Variants in SHISA5 observed in about 807,000 individuals in gnomAD.
The protein encoded by SHISA5 is shisa family member 5, also known as protein shisa-5.
A neutral mutation model predicts 27.5 loss-of-function variants in SHISA5; 21 were observed. The ratio of observed to expected loss-of-function variants is 0.76; its 90% CI spans 0.54 to 1.10. The LOEUF (loss-of-function observed/expected upper bound fraction) is 1.10, where lower values mean the gene tolerates loss of function less well. SHISA5 is among the 50% of genes least tolerant of loss of function. The pLI, the probability that SHISA5 is intolerant of heterozygous loss-of-function variation, is 0.00. For synonymous variants in SHISA5, 137 were observed against 142.2 expected, an observed-to-expected ratio of 0.96 and a Z score of 0.26; for missense variants, 314 against 336.3, an observed-to-expected ratio of 0.93 and a Z score of 0.52.
chr3:48,484,132 G>A (rs1038973764), intron 2 of SHISA5, among the ~76,000 whole-genome samples: 21 of 152,156 alleles, frequency 1.4e-4, no homozygotes, highest in African/African-American at 5.1e-4. Flanking sequence ...TATTGGTAAC[G>A]GGAAGTGGGT....
chr3:48,468,549 A>C lies in SHISA5; in HGVS notation c.*558T>G. The stretch of plus-strand genomic sequence containing the variant: ...CCAGGGAGCAATGGGACATCTGCCC[A>C]AAGGATCAAAGTCCAACTTGGCCAG... On this transcript the variant is annotated 3_prime_UTR_variant, in exon 6 of 6. Transcript: ENST00000296444. 1 of 1,188,944 alleles carries C rather than the reference A, an allele frequency of 8.4e-7. No individual in the cohort carries two copies. The highest frequency in any genetic ancestry group is 1.1e-6 in the Non-Finnish European group (1 of 942,640). The allele number at this position is 1,188,944 out of a possible 1,614,324, so 73.6% of individuals were successfully genotyped here.
chr3:48,493,464 T>C (rs940299896), intron 2 of SHISA5, among the ~76,000 whole-genome samples: 3 of 139,580 alleles, frequency 2.1e-5, no homozygotes, highest in Non-Finnish European at 4.5e-5. Flanking sequence ...GGAAAATAAA[T>C]GAATAAATTA....
chr3:48,494,895 G>A (rs2041506353), intron 2 of SHISA5, among the ~76,000 whole-genome samples: 1 of 147,286 alleles, frequency 6.8e-6, no homozygotes, highest in Non-Finnish European at 1.5e-5. Context: ...TTGTATACAT[G>A]AAATGTATAC....
Position 48,480,990 on chromosome 3 carries a change from G to C in SHISA5, c.234-1733C>G, listed in dbSNP as rs189150077. On this transcript the variant is annotated intron_variant, in intron 2 of 5. Coordinates refer to ENST00000296444, the MANE Select transcript of SHISA5 (RefSeq NM_016479.6). ...GGCACCTGTAATCCCAGCTACTCTG[G>C]AGTCTGAGGGAGGAGAATTGCTTCG... is the stretch of plus-strand genomic sequence containing the variant. Among the ~76,000 whole-genome samples the C allele has an allele frequency of 2.2e-3, 331 of 152,146 alleles. 1 individual carries two copies. Among genetic ancestry groups the C allele is most frequent in the Admixed American group, 4.4e-3 (67 of 15,268 alleles).
At chr3:48,472,516 A>C (rs970517678) in intron 3 of SHISA5, among the ~76,000 whole-genome samples, 13 of 152,174 alleles carry the variant, frequency 8.5e-5, no homozygotes, top group Non-Finnish European at 1.6e-4. Flanking sequence ...AAAAATAATA[A>C]GTTTTTTTTA....
At chr3:48,477,104 G>GAAAAAAAA in intron 3 of SHISA5, 1 of 327,436 alleles carries the variant, frequency 3.1e-6, no homozygotes, top group South Asian at 2.1e-5. Context: ...ATAACATTGA[G>GAAAAAAAA]AAAAAAAAAA....
At position 48,469,651 on chromosome 3, in the gene SHISA5, G is replaced by T; in HGVS notation, c.430+77C>A. ...GCCAGGCTTGCCACCCATCCCTCCA[G>T]CTTAGCCAAAGCAGGGCCTGGTCAG... On this transcript the variant is annotated intron_variant, in intron 4 of 5. Transcript: ENST00000296444. This position sits in a 1 kb window ranked among gnomAD's most constrained non-coding sequence, Gnocchi z 4.6. 1 of 1,599,348 alleles carries T rather than the reference G, an allele frequency of 6.3e-7. No homozygotes were observed. The highest frequency in any genetic ancestry group is 8.5e-7 in the Non-Finnish European group (1 of 1,172,470).
At chr3:48,498,303 A>G (rs1473529626) in intron 2 of SHISA5, among the ~76,000 whole-genome samples, 1 of 152,226 alleles carries the variant, frequency 6.6e-6, no homozygotes, top group African/African-American at 2.4e-5. Flanking sequence ...GAAACAAGAC[A>G]CAGATGTCTG....
chr3:48,498,689 G>GAA (rs11294310), intron 2 of SHISA5, among the ~76,000 whole-genome samples: 10 of 80,642 alleles, frequency 1.2e-4, no homozygotes, highest in East Asian at 3.8e-4. Flanking sequence ...TCTCCAGAAA[G>GAA]AAAAAAAAAA....
chr3:48,470,006 T>C lies in SHISA5; in HGVS notation c.315-163A>G. 1.1e-6 allele frequency: 1 copy of C among 904,300 alleles called. No homozygotes were observed. Among genetic ancestry groups the C allele is most frequent in the Non-Finnish European group, 1.7e-6 (1 of 600,114 alleles). 56.0% of individuals were successfully genotyped at this position (904,300 alleles called of 1,614,324 possible). On this transcript the variant is annotated intron_variant, in intron 3 of 5. Transcript: ENST00000296444. This position sits in a 1 kb window ranked among gnomAD's most constrained non-coding sequence, Gnocchi z 4.3. ...ACCTGTTTCAATCTGTTTCCTCTTG[T>C]GTAAACTGGGGTATATGTGAGTCCC...
chr3:48,485,355 C>A (rs916097066), intron 2 of SHISA5, among the ~76,000 whole-genome samples: 4 of 150,766 alleles, frequency 2.7e-5, no homozygotes, highest in African/African-American at 9.8e-5. Flanking sequence ...ATTAGCCAAG[C>A]GTGGTGGTGC....
At chr3:48,480,807 G>T (rs1478957504) in intron 2 of SHISA5, among the ~76,000 whole-genome samples, 3 of 152,022 alleles carry the variant, frequency 2.0e-5, no homozygotes, top group Non-Finnish European at 4.4e-5. Context: ...AAAAATAAAT[G>T]ATATGGGCCA....
chr3:48,473,315 G>C lies in SHISA5; in HGVS notation c.315-3472C>G. On this transcript the variant is annotated intron_variant, in intron 3 of 5. Transcript: ENST00000296444. The surrounding 1 kb of genome is among the most constrained non-coding windows in gnomAD (Gnocchi z 4.3). ...GCTGCCTCCCTGAGCCAAGCCTACAGGGCCTGACCTCAGAATGCAGCCTGG... is the reference window on the plus strand; with the variant it reads ...GCTGCCTCCCTGAGCCAAGCCTACACGGCCTGACCTCAGAATGCAGCCTGG... The C allele has an allele frequency of 7.2e-7, 1 of 1,395,428 alleles. No individual in the cohort carries two copies. The highest frequency in any genetic ancestry group is 9.4e-7 in the Non-Finnish European group (1 of 1,062,794). 86.4% of individuals were successfully genotyped at this position (1,395,428 alleles called of 1,614,324 possible). A position where few individuals can be genotyped will look rare whatever the true frequency, so the allele number is the denominator to read the frequency against.
chr3:48,472,418 C>A (rs1227808085), intron 3 of SHISA5, among the ~76,000 whole-genome samples: 1 of 151,582 alleles, frequency 6.6e-6, no homozygotes, highest in Non-Finnish European at 1.5e-5. Context: ...ATCACGTGAA[C>A]CCATGAGGCG....
chr3:48,473,682 C>T lies in SHISA5; in HGVS notation c.315-3839G>A, dbSNP rs999267229. 1.1e-5 allele frequency: 11 copies of T among 1,025,796 alleles called. No individual in the cohort carries two copies. In the East Asian group the frequency reaches 4.3e-4, roughly 40 times the overall value. The allele number at this position is 1,025,796 out of a possible 1,614,324, so 63.5% of individuals were successfully genotyped here. A position where few individuals can be genotyped will look rare whatever the true frequency, so the allele number is the denominator to read the frequency against. ...CCAGCTATGGCTCCTGTAGCTCTTG[C>T]GATTACAAAGGAATTTGCTTTATAA... On this transcript the variant is annotated intron_variant, in intron 3 of 5. Transcript: ENST00000296444. The surrounding 1 kb of genome is among the most constrained non-coding windows in gnomAD (Gnocchi z 4.3).
chr3:48,490,970 A>C (rs2041403082), intron 2 of SHISA5, among the ~76,000 whole-genome samples: 1 of 152,186 alleles, frequency 6.6e-6, no homozygotes, highest in Non-Finnish European at 1.5e-5. Flanking sequence ...TAATCTGAAC[A>C]TTCCTTTTCT....
chr3:48,492,617 C>G (rs2041468280), intron 2 of SHISA5, among the ~76,000 whole-genome samples: 1 of 147,974 alleles, frequency 6.8e-6, no homozygotes, highest in Non-Finnish European at 1.5e-5. Flanking sequence ...CAGGTCTGTA[C>G]AAGCCTTCGC....
At chr3:48,485,541 TTA>T (rs1410847809) in intron 2 of SHISA5, among the ~76,000 whole-genome samples, 3 of 138,400 alleles carry the variant, frequency 2.2e-5, no homozygotes, top group East Asian at 2.0e-4. Context: ...AATATATATA[TTA>T]TATATATAAT....
Position 48,472,873 on chromosome 3 carries a change from C to A in SHISA5, c.315-3030G>T, listed in dbSNP as rs1196088124. On this transcript the variant is annotated intron_variant, in intron 3 of 5. Coordinates refer to ENST00000296444, the MANE Select transcript of SHISA5 (RefSeq NM_016479.6). Reference sequence around the variant, plus strand: ...AGACTACAGGTGTCTTCCGGCCCAACCAGAGGCAGGAATGGAGAAACGCAC... The same window carrying A: ...AGACTACAGGTGTCTTCCGGCCCAAACAGAGGCAGGAATGGAGAAACGCAC... The A allele has an allele frequency of 3.1e-6, 3 of 952,580 alleles. No homozygotes were observed. In the African/African-American group the frequency reaches 4.9e-5, roughly 15 times the overall value. The allele number at this position is 952,580 out of a possible 1,614,324, so 59.0% of individuals were successfully genotyped here. A position where few individuals can be genotyped will look rare whatever the true frequency, so the allele number is the denominator to read the frequency against.
Sources: allele counts gnomAD v4.1 joint callset (sites outside exome capture counted in the v4.1 genomes callset), GRCh38; gene constraint gnomAD v4.1.1; non-coding constraint Gnocchi (gnomAD v3.1); transcripts MANE v1.5; gene names NCBI Gene and HGNC (gene_info 2026-07-23, HGNC 2026-07-21).